Variants in IKZF4 observed in about 807,000 individuals in gnomAD.
IKZF4 encodes the protein zinc finger protein Eos.
In IKZF4, 11 loss-of-function variants were observed where a neutral mutation model predicts 47.7. The ratio of observed to expected loss-of-function variants is 0.23; its 90% CI spans 0.15 to 0.38. IKZF4 has a LOEUF of 0.38. IKZF4 is among the 10% of genes least tolerant of loss of function. The pLI, the probability that IKZF4 is intolerant of heterozygous loss-of-function variation, is 1.00. For synonymous variants in IKZF4, 298 were observed against 299.4 expected (o/e 1.00, Z 0.05); for missense variants, 557 against 784.9 (o/e 0.71, Z 3.47).
Position 56,036,229 on chromosome 12 carries a change from C to G in IKZF4, c.*898C>G, listed in dbSNP as rs1895625507. On this transcript the variant is annotated 3_prime_UTR_variant, in exon 8 of 8. Transcript: ENST00000547167. ...CAGGGGCCAAGGCTAGGTCTGCAACCCTCTGTCTCTGACAGATTGGGAGCC... is the reference window on the plus strand; with the variant it reads ...CAGGGGCCAAGGCTAGGTCTGCAACGCTCTGTCTCTGACAGATTGGGAGCC... 1.3e-5 allele frequency: 2 copies of G among 152,594 alleles called. No individual in the cohort carries two copies. Among genetic ancestry groups the G allele is most frequent in the South Asian group, 4.1e-4 (2 of 4,826 alleles). The allele number at this position is 152,594 out of a possible 1,614,324, so 9.5% of individuals were successfully genotyped here.
intron 4 of IKZF4, 39 bp downstream of exon 4, chr12:56,027,080 G>A: frequency 6.8e-7 from 1 of 1,463,094 alleles, no homozygotes; most frequent in South Asian, 1.5e-5. Context: ...AGCTCCCAGG[G>A]TGGGGTTGAG....
chr12:56,032,190 T>C (rs993475827), intron 5 of IKZF4: 1 of 192,092 alleles, frequency 5.2e-6, no homozygotes, highest in Non-Finnish European at 1.1e-5. Context: ...TAAACCACAG[T>C]CTGGGCCCCA....
intron 7 of IKZF4, among the ~76,000 whole-genome samples, chr12:56,034,190 C>G (rs568181963): frequency 6.6e-6 from 1 of 152,136 alleles, no homozygotes; most frequent in Non-Finnish European, 1.5e-5. Flanking sequence ...CGTGAGCCAC[C>G]GCGCCCGGCC....
rs541067535 is a variant in IKZF4, at chr12:56,037,463, T to G, written c.*2132T>G. On this transcript the variant is annotated 3_prime_UTR_variant, in exon 8 of 8. Coordinates refer to ENST00000547167, the MANE Select transcript of IKZF4 (RefSeq NM_022465.4). Reference sequence around the variant, plus strand: ...GCTTTTCCTGAACTATTCTGGTTATTGAGCCCTTCCTGTTAGACCTACCGC... The same window carrying G: ...GCTTTTCCTGAACTATTCTGGTTATGGAGCCCTTCCTGTTAGACCTACCGC... The G allele has an allele frequency of 1.3e-5, 2 of 152,290 alleles. No homozygotes were observed. Among genetic ancestry groups the G allele is most frequent in the Non-Finnish European group, 2.9e-5 (2 of 68,066 alleles). The allele number at this position is 152,290 out of a possible 1,614,324, so 9.4% of individuals were successfully genotyped here. A position where few individuals can be genotyped will look rare whatever the true frequency, so the allele number is the denominator to read the frequency against.
chr12:56,025,881 A>G (rs1386375885), intron 3 of IKZF4, among the ~76,000 whole-genome samples: 3 of 152,162 alleles, frequency 2.0e-5, no homozygotes, highest in Non-Finnish European at 4.4e-5. Flanking sequence ...GAGTAGAGAA[A>G]AAAGCTCCCC....
At chr12:56,017,301 C>G (rs535947864), upstream of IKZF4, among the ~76,000 whole-genome samples, 2 of 127,156 alleles carry the variant, frequency 1.6e-5, no homozygotes, top group Non-Finnish European at 3.1e-5. Context: ...TGGGGATAAC[C>G]ATTTACAGGT....
At chr12:56,014,329 A>G (rs76752311) in intron 2 of IKZF4, among the ~76,000 whole-genome samples, 395 of 151,986 alleles carry the variant, frequency 2.6e-3, no homozygotes, top group African/African-American at 7.6e-3. Context: ...TCAGAAAACA[A>G]CTCCTTCAGA....
upstream of IKZF4, among the ~76,000 whole-genome samples, chr12:56,018,911 CCT>C (rs374941579): frequency 5.5e-4 from 84 of 151,388 alleles, 3 homozygotes; most frequent in Admixed American, 3.5e-3. Context: ...GGTGAAACCC[CCT>C]CTCTACTAAA....
Position 56,035,445 on chromosome 12 carries a change from C to T in IKZF4, c.*114C>T. The T allele has an allele frequency of 9.0e-7, 1 of 1,112,294 alleles. No individual in the cohort carries two copies. The highest frequency in any genetic ancestry group is 2.4e-5 in the East Asian group (1 of 42,274). The allele number at this position is 1,112,294 out of a possible 1,614,324, so 68.9% of individuals were successfully genotyped here. The stretch of plus-strand genomic sequence containing the variant: ...CTTTGTAGCCCTCACTACTGGCCAC[C>T]TGACCTCACACCTGACCCTGACCCC... On this transcript the variant is annotated 3_prime_UTR_variant, in exon 8 of 8. Transcript: ENST00000547167. The surrounding 1 kb of genome is among the most constrained non-coding windows in gnomAD (Gnocchi z 6.1).
chr12:56,027,664 C>T (rs772724107), intron 4 of IKZF4, 116 bp from the exon 5 acceptor site: 2 of 1,001,606 alleles, frequency 2.0e-6, no homozygotes, highest in Non-Finnish European at 3.1e-6. Flanking sequence ...TTCTGCCCGT[C>T]AGCAATGTGT....
At chr12:56,027,984 C>T (rs2136675946) in intron 5 of IKZF4, 37 bp downstream of exon 5, 1 of 1,517,706 alleles carries the variant, frequency 6.6e-7, no homozygotes. Context: ...GAATGAGGCT[C>T]CAACACACCC....
intron 1 of IKZF4, chr12:56,007,840 G>C (rs1272640607): frequency 6.6e-6 from 1 of 152,376 alleles, no homozygotes; most frequent in East Asian, 1.9e-4. Context: ...AGACGTGGGC[G>C]GGGGAAGGGG....
chr12:56,024,103 C>T (rs1893548187), intron 2 of IKZF4: 1 of 223,328 alleles, frequency 4.5e-6, no homozygotes, highest in Non-Finnish European at 7.5e-6. Flanking sequence ...TTCATATCTT[C>T]CTTTAGGTAT....
chr12:56,011,452 G>A (rs1891318511), exon 2 of IKZF4: 1 of 152,156 alleles, frequency 6.6e-6, no homozygotes, highest in Non-Finnish European at 1.5e-5. Flanking sequence ...CAAAGAACAA[G>A]AGAAAAGATG....
In IKZF4 at chr12:56,025,106, C is replaced by A. The variant is rs770077158; in HGVS notation, c.234C>A (p.Pro78=). 4 of 1,604,062 alleles carry A rather than the reference C, an allele frequency of 2.5e-6. No individual in the cohort carries two copies. The highest frequency in any genetic ancestry group is 1.7e-4 in the Middle Eastern group (1 of 6,046). ...EKEFLGAPVG[P]SVSTPNSQHS... ...AGTTCCTCGGGGCCCCAGTGGGGCCCTCGGTGAGCACCCCCAACAGCCAGC... is the reference window on the plus strand; with the variant it reads ...AGTTCCTCGGGGCCCCAGTGGGGCCATCGGTGAGCACCCCCAACAGCCAGC... The change falls in exon 3 of 8, where the codon CCC becomes CCA. Residue 78 remains proline, a synonymous_variant. Transcript: ENST00000547167.
chr12:56,020,918 T>A (rs1892794467), upstream of IKZF4: 1 of 995,780 alleles, frequency 1.0e-6, no homozygotes, highest in Admixed American at 5.8e-5. Context: ...GCTGTCCGTG[T>A]CCTGGGCCCC....
Position 56,025,034 on chromosome 12 carries a change from C to T in IKZF4, c.182-20C>T. ...ATCTCCAGCTCCAGCTTTACCTGCC[C>T]TCTTGTTCTCTCCTCCAAGGTAGCG... On this transcript the variant is annotated intron_variant, in intron 2 of 7. Transcript: ENST00000547167. 6.4e-7 allele frequency: 1 copy of T among 1,565,374 alleles called. No individual in the cohort carries two copies. The highest frequency in any genetic ancestry group is 2.4e-5 in the East Asian group (1 of 42,144).
intron 1 of IKZF4, among the ~76,000 whole-genome samples, chr12:56,023,252 G>C (rs1893379063): frequency 1.3e-5 from 2 of 152,222 alleles, no homozygotes; most frequent in African/African-American, 4.8e-5. Flanking sequence ...TCAAAGCCAA[G>C]TGCCCTGTTC....
At chr12:56,024,571 T>C (rs770755031) in intron 2 of IKZF4, 6 of 884,630 alleles carry the variant, frequency 6.8e-6, no homozygotes, top group Non-Finnish European at 8.2e-6. Context: ...GCCTGGCACA[T>C]AGTAAGTACT....
Sources: allele counts gnomAD v4.1 joint callset (sites outside exome capture counted in the v4.1 genomes callset), GRCh38; gene constraint gnomAD v4.1.1; non-coding constraint Gnocchi (gnomAD v3.1); transcripts MANE v1.5; gene names NCBI Gene and HGNC (gene_info 2026-07-23, HGNC 2026-07-21).